Variants in KIF13A observed in about 807,000 individuals in gnomAD.
KIF13A encodes the protein kinesin-like protein KIF13A.
In KIF13A, 79 loss-of-function variants were observed where a neutral mutation model predicts 212.2. The observed-to-expected ratio is 0.37, with a 90% CI of 0.31 to 0.45. The LOEUF (loss-of-function observed/expected upper bound fraction) is 0.45. KIF13A is among the 20% of genes least tolerant of loss of function. The probability of loss-of-function intolerance (pLI) is 1.00; values close to 1 mark genes in which losing one functional copy is unlikely to be tolerated. For synonymous variants in KIF13A, 789 were observed against 808.6 expected (o/e 0.98, Z 0.41); for missense variants, 1,901 against 2,209.0 (o/e 0.86, Z 2.79).
chr6:17,933,494 T>C (rs2328201), intron 2 of KIF13A, among the ~76,000 whole-genome samples: 106,158 of 150,270 alleles, frequency 0.71, 38,306 homozygotes, highest in South Asian at 0.83. Flanking sequence ...TCCTTCTGCC[T>C]TGGCCTCCCA....
At position 17,779,690 on chromosome 6, in the gene KIF13A, A is replaced by AT; in HGVS notation, c.3847-7_3847-6insA. 5 of 1,207,740 alleles carry AT rather than the reference A, an allele frequency of 4.1e-6. No individual in the cohort carries two copies. The highest frequency in any genetic ancestry group is 2.4e-5 in the East Asian group (1 of 41,346). 74.8% of individuals were successfully genotyped at this position (1,207,740 alleles called of 1,614,324 possible). A position where few individuals can be genotyped will look rare whatever the true frequency, so the allele number is the denominator to read the frequency against. ...TTCAAACTCTGCGTGAAACTCTAGTAGAAAAAAAAAAAAGCTGTATTAAGC... is the reference window on the plus strand; with the variant it reads ...TTCAAACTCTGCGTGAAACTCTAGTATGAAAAAAAAAAAAGCTGTATTAAGC... On this transcript the variant is annotated splice_region_variant and splice_polypyrimidine_tract_variant and intron_variant, in intron 31 of 38. Coordinates refer to ENST00000259711, the MANE Select transcript of KIF13A (RefSeq NM_022113.6).
chr6:17,962,447 G>A (rs746475523), intron 2 of KIF13A, among the ~76,000 whole-genome samples: 70 of 152,162 alleles, frequency 4.6e-4, no homozygotes, highest in Non-Finnish European at 8.5e-4. Flanking sequence ...AAAGCAGAGC[G>A]AGGAGAAAAT....
chr6:17,813,763 A>T (rs1763649487), intron 17 of KIF13A, among the ~76,000 whole-genome samples: 1 of 151,810 alleles, frequency 6.6e-6, no homozygotes, highest in Non-Finnish European at 1.5e-5. Flanking sequence ...TACAGTCAGA[A>T]TGCCACGGCT....
rs547401870 is a variant in KIF13A at position 17,915,092 on chromosome 6, T to C, written c.147-16912A>G. Among the ~76,000 whole-genome samples the C allele has an allele frequency of 5.9e-5, 9 of 152,324 alleles. No homozygotes were observed. In the East Asian group the frequency reaches 1.2e-3, roughly 20 times the overall value. ...GTACCTTGAGAGCATTTATCTATGGTAGCATAAGAGATAATATATTTGACT... is the reference window on the plus strand; with the variant it reads ...GTACCTTGAGAGCATTTATCTATGGCAGCATAAGAGATAATATATTTGACT... On this transcript the variant is annotated intron_variant, in intron 2 of 38. Transcript: ENST00000259711. This position sits in a 1 kb window ranked among gnomAD's most constrained non-coding sequence, Gnocchi z 4.4.
chr6:17,947,595 G>A lies in KIF13A; in HGVS notation c.146+39459C>T, dbSNP rs1447483590. ...TGTAATCCCAGCACTTTGGGAGGCC[G>A]AGGTGGGTGGATCACCTGAGGTCAG... On this transcript the variant is annotated intron_variant, in intron 2 of 38. Coordinates refer to ENST00000259711, the MANE Select transcript of KIF13A (RefSeq NM_022113.6). The surrounding 1 kb of genome is among the most constrained non-coding windows in gnomAD (Gnocchi z 4.6). Among the ~76,000 whole-genome samples the A allele has an allele frequency of 1.3e-5, 2 of 152,076 alleles. No homozygotes were observed. The highest frequency in any genetic ancestry group is 2.4e-5 in the African/African-American group (1 of 41,410).
Position 17,899,845 on chromosome 6 carries a change from T to C in KIF13A, c.147-1665A>G, listed in dbSNP as rs561442589. The stretch of plus-strand genomic sequence containing the variant: ...TTATAAATAAAAATGCACAAGTGTT[T>C]TTAATTCTAAGGAAGTCATGGATTT... On this transcript the variant is annotated intron_variant, in intron 2 of 38. Transcript: ENST00000259711. This position sits in a 1 kb window ranked among gnomAD's most constrained non-coding sequence, Gnocchi z 5.2. Among the ~76,000 whole-genome samples, 7 of 152,324 alleles carry C rather than the reference T, an allele frequency of 4.6e-5. No individual in the cohort carries two copies. The South Asian group carries it at 1.4e-3, about 32-fold the overall frequency.
rs891354659 is a variant in KIF13A at position 17,855,127 on chromosome 6, C to T, written c.494+310G>A. ...CCCTTAACACATTAGTGCCACTTTC[C>T]AATGTAAATGGAAGAACTAATGTGT... On this transcript the variant is annotated intron_variant, in intron 6 of 38. Coordinates refer to ENST00000259711, the MANE Select transcript of KIF13A (RefSeq NM_022113.6). This position sits in a 1 kb window ranked among gnomAD's most constrained non-coding sequence, Gnocchi z 4.1. 6.6e-6 allele frequency among the ~76,000 whole-genome samples: 1 copy of T among 151,984 alleles called. No individual in the cohort carries two copies. The highest frequency in any genetic ancestry group is 6.6e-5 in the Admixed American group (1 of 15,256).
At chr6:17,983,472 C>CA (rs1389833320) in intron 2 of KIF13A, among the ~76,000 whole-genome samples, 75 of 149,682 alleles carry the variant, frequency 5.0e-4, no homozygotes, top group African/African-American at 1.7e-3. Context: ...ACCCCACCCC[C>CA]AAAACTGTCT....
chr6:17,865,272 G>A (rs1402292055), intron 4 of KIF13A, among the ~76,000 whole-genome samples: 1 of 151,710 alleles, frequency 6.6e-6, no homozygotes, highest in African/African-American at 2.4e-5. Context: ...TGAGCCCCCA[G>A]TTTTCCTTCC....
chr6:17,862,811 G>A (rs1768944427), intron 4 of KIF13A, among the ~76,000 whole-genome samples: 1 of 152,184 alleles, frequency 6.6e-6, no homozygotes, highest in African/African-American at 2.4e-5. Flanking sequence ...AGCTGGGCAT[G>A]GTGGCGGGTG....
chr6:17,987,380 GAA>G lies in KIF13A; in HGVS notation c.55+27_55+28del, dbSNP rs770753997. ...GTTGCCCCCGCCCTCAGCCCGAGCA[GAA>G]ATAAAAAAGAGCGGAAAGCTCCTCA... is the stretch of plus-strand genomic sequence containing the variant. On this transcript the variant is annotated intron_variant, in intron 1 of 38. Coordinates refer to ENST00000259711, the MANE Select transcript of KIF13A (RefSeq NM_022113.6). The surrounding 1 kb of genome is among the most constrained non-coding windows in gnomAD (Gnocchi z 7.7). The G allele has an allele frequency of 2.2e-6, 3 of 1,345,094 alleles. No homozygotes were observed. In the South Asian group the frequency reaches 3.8e-5, roughly 17 times the overall value. The allele number at this position is 1,345,094 out of a possible 1,614,324, so 83.3% of individuals were successfully genotyped here.
chr6:17,801,731 G>A lies in KIF13A; in HGVS notation c.2455-1618C>T, dbSNP rs572286366. Among the ~76,000 whole-genome samples the A allele has an allele frequency of 3.3e-5, 5 of 152,306 alleles. No individual in the cohort carries two copies. The East Asian group carries it at 9.7e-4, about 29-fold the overall frequency. ...CAGCTTTTATTCTCTTGAGAGTAGA[G>A]AATGGGTGTGTAACTCAGACTGGGG... On this transcript the variant is annotated intron_variant, in intron 20 of 38. Coordinates refer to ENST00000259711, the MANE Select transcript of KIF13A (RefSeq NM_022113.6).
chr6:17,826,134 C>T lies in KIF13A; in HGVS notation c.1533-10G>A. 6.2e-7 allele frequency: 1 copy of T among 1,611,104 alleles called. No homozygotes were observed. The highest frequency in any genetic ancestry group is 8.5e-7 in the Non-Finnish European group (1 of 1,177,648). On this transcript the variant is annotated splice_polypyrimidine_tract_variant and intron_variant, in intron 14 of 38. Transcript: ENST00000259711. This position sits in a 1 kb window ranked among gnomAD's most constrained non-coding sequence, Gnocchi z 4.7. The stretch of plus-strand genomic sequence containing the variant: ...GCCGTTCACACAGGACCTGGGAGAA[C>T]ACGAGGGAAAATACCAGGTAAATGG...
At chr6:17,858,076 T>C (rs992048524) in intron 4 of KIF13A, among the ~76,000 whole-genome samples, 19 of 122,700 alleles carry the variant, frequency 1.5e-4, no homozygotes, top group African/African-American at 5.3e-4. Flanking sequence ...TTATGTCAAA[T>C]AGTTATGTGT....
rs73373119 is a variant in KIF13A, at chr6:17,897,305, G to T, written c.159+863C>A. Among the ~76,000 whole-genome samples the T allele has an allele frequency of 0.011, 1,639 of 152,226 alleles. 22 individuals are homozygous for T. Among genetic ancestry groups the T allele is most frequent in the African/African-American group, 0.037 (1,554 of 41,536 alleles). ...GTCTTAGATTCTGACCATATAATTT[G>T]TGTAGGTAAAGCCTGTTCTAATCCT... On this transcript the variant is annotated intron_variant, in intron 3 of 38. Coordinates refer to ENST00000259711, the MANE Select transcript of KIF13A (RefSeq NM_022113.6). The surrounding 1 kb of genome is among the most constrained non-coding windows in gnomAD (Gnocchi z 4.8).
At chr6:17,778,837 T>C (rs1760225675) in intron 33 of KIF13A, 110 bp downstream of exon 33, 1 of 1,266,706 alleles carries the variant, frequency 7.9e-7, no homozygotes, top group African/African-American at 1.5e-5. Context: ...ATGGCTCAAG[T>C]GCTCCTTCTC....
chr6:17,860,946 T>G (rs948820413), intron 4 of KIF13A, among the ~76,000 whole-genome samples: 1 of 152,148 alleles, frequency 6.6e-6, no homozygotes, highest in African/African-American at 2.4e-5. Context: ...ACTTTTTTAC[T>G]AATACCCACC....
Position 17,817,000 on chromosome 6 carries a change from GC to G in KIF13A, c.2000+19del. 6.3e-7 allele frequency: 1 copy of G among 1,590,200 alleles called. No individual in the cohort carries two copies. Among genetic ancestry groups the G allele is most frequent in the Non-Finnish European group, 8.6e-7 (1 of 1,168,854 alleles). ...GGCCTTGGGGCCTTGACTCTGGGCT[GC>G]CCCCGCTGCAGTTCTTACCTCTCTT... On this transcript the variant is annotated intron_variant, in intron 17 of 38. Transcript: ENST00000259711. The surrounding 1 kb of genome is among the most constrained non-coding windows in gnomAD (Gnocchi z 4.3).
rs1465094609 is a variant in KIF13A, at chr6:17,805,717, T to C, written c.2164-102A>G. On this transcript the variant is annotated intron_variant, in intron 18 of 38. Transcript: ENST00000259711. ...TAACACAGTAAGTTTGCAAAACACA[T>C]AAATGCATACAAAAGAAGATAAAAT... The C allele has an allele frequency of 1.3e-5, 13 of 1,005,316 alleles. No individual in the cohort carries two copies. In the East Asian group the frequency reaches 2.4e-4, roughly 18 times the overall value. 62.3% of individuals were successfully genotyped at this position (1,005,316 alleles called of 1,614,324 possible). A position where few individuals can be genotyped will look rare whatever the true frequency, so the allele number is the denominator to read the frequency against.
Sources: allele counts gnomAD v4.1 joint callset (sites outside exome capture counted in the v4.1 genomes callset), GRCh38; gene constraint gnomAD v4.1.1; non-coding constraint Gnocchi (gnomAD v3.1); transcripts MANE v1.5; gene names NCBI Gene and HGNC (gene_info 2026-07-23, HGNC 2026-07-21).